The following TMPRSS9 variants were observed in gnomAD, a reference collection of about 807,000 sequenced individuals.
TMPRSS9 encodes the protein transmembrane protease serine 9.
In TMPRSS9, 113 loss-of-function variants were observed where a neutral mutation model predicts 111.4. The ratio of observed to expected loss-of-function variants is 1.01; its 90% CI spans 0.87 to 1.19. The LOEUF (loss-of-function observed/expected upper bound fraction) is 1.19, where lower values mean the gene tolerates loss of function less well. Among genes scored for constraint, TMPRSS9 ranks in the 50% most tolerant of loss-of-function variants. The pLI is 0.00. For missense variants in TMPRSS9, 1,803 were observed against 1,513.1 expected (o/e 1.19, Z -3.18); for synonymous variants, 805 against 659.1 (o/e 1.22, Z -3.39).
chr19:2,378,895 A>G (rs940074297), intron 1 of TMPRSS9, among the ~76,000 whole-genome samples: 1 of 152,172 alleles, frequency 6.6e-6, no homozygotes, highest in African/African-American at 2.4e-5. Context: ...AACAAAGGGG[A>G]AGCCCCTTAT....
At chr19:2,363,839 A>T (rs1355323903) in intron 1 of TMPRSS9, among the ~76,000 whole-genome samples, 1 of 76,092 alleles carries the variant, frequency 1.3e-5, no homozygotes, top group Admixed American at 2.0e-4. Flanking sequence ...AGAGAGAGAG[A>T]GTGAGAGTGG....
intron 1 of TMPRSS9, among the ~76,000 whole-genome samples, chr19:2,363,837 AGAGT>A (rs1440531626): frequency 1.1e-5 from 1 of 94,314 alleles, no homozygotes; most frequent in South Asian, 4.2e-4. Flanking sequence ...AGAGAGAGAG[AGAGT>A]GAGAGTGGGA....
chr19:2,422,595 G>A (rs111918815), intron 14 of TMPRSS9, among the ~76,000 whole-genome samples: 2,678 of 150,566 alleles, frequency 0.018, 83 homozygotes, highest in African/African-American at 0.062. Context: ...AAGACATAAC[G>A]GCCTCTCTGG....
At chr19:2,390,068 A>C in intron 1 of TMPRSS9, 141 bp downstream of exon 2, 2 of 1,094,780 alleles carry the variant, frequency 1.8e-6, no homozygotes, top group Non-Finnish European at 2.6e-6. Flanking sequence ...GCCCTAGGCC[A>C]GGCGGGTGGG....
At chr19:2,414,741 C>G (rs1417606300) in intron 10 of TMPRSS9, among the ~76,000 whole-genome samples, 1 of 150,850 alleles carries the variant, frequency 6.6e-6, no homozygotes, top group Non-Finnish European at 1.5e-5. Flanking sequence ...GTGGAGGGCA[C>G]CTGTAATCCC....
At chr19:2,411,496 C>G (rs941152301) in intron 9 of TMPRSS9, among the ~76,000 whole-genome samples, 4 of 147,670 alleles carry the variant, frequency 2.7e-5, no homozygotes, top group Non-Finnish European at 1.5e-5. Flanking sequence ...CTCCCAGGTT[C>G]AAGCGAGTCT....
chr19:2,402,086 G>A lies in TMPRSS9; in HGVS notation c.556+70G>A, dbSNP rs899706162. On this transcript the variant is annotated intron_variant, in intron 5 of 17. Transcript: ENST00000648592. ...AGAGGTTTCCTAAGACTCATTTCAA[G>A]GAAGTGAAGGAATCCCTGGAACGAG... 3.3e-6 allele frequency: 5 copies of A among 1,511,554 alleles called. No homozygotes were observed. The African/African-American group carries it at 7.0e-5, about 21-fold the overall frequency. The allele number at this position is 1,511,554 out of a possible 1,614,324, so 93.6% of individuals were successfully genotyped here. A position where few individuals can be genotyped will look rare whatever the true frequency, so the allele number is the denominator to read the frequency against.
exon 14 of TMPRSS9, chr19:2,422,192 G>A (rs775694577): frequency 3.9e-6 from 6 of 1,538,876 alleles, no homozygotes; most frequent in Non-Finnish European, 5.3e-6. Flanking sequence ...CCACTGCTAG[G>A]GGACAGACGC....
At chr19:2,425,251 C>T in exon 16 of TMPRSS9, 3 of 1,392,514 alleles carry the variant, frequency 2.2e-6, no homozygotes, top group African/African-American at 1.6e-5. Flanking sequence ...CCGGCTGGGG[C>T]TCGGTGCGCG....
At chr19:2,381,230 G>C (rs914280518) in intron 1 of TMPRSS9, among the ~76,000 whole-genome samples, 1 of 152,064 alleles carries the variant, frequency 6.6e-6, no homozygotes, top group African/African-American at 2.4e-5. Context: ...ATGCTAAATA[G>C]CTGTGGAGTT....
chr19:2,385,150 A>AGCTCGCGGGGGGCGGG (rs1568172896), upstream of TMPRSS9, among the ~76,000 whole-genome samples: 9 of 119,422 alleles, frequency 7.5e-5, no homozygotes, highest in African/African-American at 2.2e-4. Context: ...CAGGGGGCGG[A>AGCTCGCGGGGGGCGGG]GCTCGCGGAG....
chr19:2,394,872 C>T (rs185304583), intron 1 of TMPRSS9, among the ~76,000 whole-genome samples: 20 of 152,170 alleles, frequency 1.3e-4, no homozygotes, highest in East Asian at 1.9e-4. Flanking sequence ...TGGTTGCTCT[C>T]GTAGTTTTTA....
chr19:2,386,235 G>A (rs1398457244), upstream of TMPRSS9, among the ~76,000 whole-genome samples: 1 of 152,200 alleles, frequency 6.6e-6, no homozygotes. Context: ...GCCGGGCACG[G>A]TGGCTCACGC....
At chr19:2,399,062 T>C in exon 4 of TMPRSS9, 1 of 1,613,494 alleles carries the variant, frequency 6.2e-7, no homozygotes, top group Non-Finnish European at 8.5e-7. Flanking sequence ...CTGCACTTTC[T>C]GCTGCGACCC....
upstream of TMPRSS9, among the ~76,000 whole-genome samples, chr19:2,385,604 C>T (rs1304835472): frequency 6.6e-6 from 1 of 152,062 alleles, no homozygotes; most frequent in African/African-American, 2.4e-5. Context: ...TACAGCGGCT[C>T]ACATCTGGAG....
chr19:2,389,402 C>A (rs1970539639), upstream of TMPRSS9, among the ~76,000 whole-genome samples: 1 of 124,410 alleles, frequency 8.0e-6, no homozygotes, highest in South Asian at 2.8e-4. Context: ...TGGAGTCTCG[C>A]TCTGTCACCC....
intron 13 of TMPRSS9, 32 bp from the exon 15 acceptor site, chr19:2,421,822 G>A: frequency 6.4e-7 from 1 of 1,558,026 alleles, no homozygotes; most frequent in East Asian, 2.3e-5. Context: ...GGTCCCTGGA[G>A]GACCAACCAG....
chr19:2,393,378 G>A (rs1037363716), intron 1 of TMPRSS9, among the ~76,000 whole-genome samples: 2 of 152,086 alleles, frequency 1.3e-5, no homozygotes, highest in African/African-American at 4.8e-5. Flanking sequence ...CCCTGGGAAG[G>A]TCTACAGCGT....
At chr19:2,403,261 G>C in intron 6 of TMPRSS9, 66 bp downstream of exon 7, 1 of 1,342,640 alleles carries the variant, frequency 7.4e-7, no homozygotes. Context: ...TGCTGGCTCT[G>C]GTCTGTGGTC....
Sources: allele counts gnomAD v4.1 joint callset (sites outside exome capture counted in the v4.1 genomes callset), GRCh38; gene constraint gnomAD v4.1.1; transcripts MANE v1.5; gene names NCBI Gene and HGNC (gene_info 2026-07-23, HGNC 2026-07-21).